The following RERE variants were observed in gnomAD, a reference collection of about 807,000 sequenced individuals.
RERE encodes the protein arginine-glutamic acid dipeptide repeats, also known as arginine-glutamic acid dipeptide repeats protein.
A neutral mutation model predicts 146.1 loss-of-function variants in RERE; 40 were observed. The ratio of observed to expected loss-of-function variants is 0.27; its 90% CI spans 0.21 to 0.36. The LOEUF (loss-of-function observed/expected upper bound fraction) is 0.36, where lower values mean the gene tolerates loss of function less well. Among genes scored for constraint, RERE ranks in the 10% least tolerant of loss-of-function variants. The pLI is 1.00. For missense variants in RERE, 1,933 were observed against 2,138.7 expected (o/e 0.90, Z 1.90); for synonymous variants, 1,003 against 866.0 (o/e 1.16, Z -2.78).
intron 11 of RERE, chr1:8,434,950 T>G (rs957558293): frequency 2.6e-5 from 4 of 152,256 alleles, no homozygotes; most frequent in Admixed American, 2.0e-4. Context: ...ACCTGCACGG[T>G]GGAGCCATTC....
chr1:8,691,144 C>T (rs1331637152), intron 1 of RERE, among the ~76,000 whole-genome samples: 1 of 152,142 alleles, frequency 6.6e-6, no homozygotes, highest in East Asian at 1.9e-4. Flanking sequence ...GATCTGCCCG[C>T]CTCCACCTCC....
chr1:8,503,713 C>T (rs1484576039), intron 8 of RERE, among the ~76,000 whole-genome samples: 1 of 152,114 alleles, frequency 6.6e-6, no homozygotes, highest in Admixed American at 6.5e-5. Flanking sequence ...ATTAAAACTA[C>T]ACCAAATGGA....
chr1:8,759,836 T>TAC (rs1491126292), intron 1 of RERE, among the ~76,000 whole-genome samples: 18 of 126,200 alleles, frequency 1.4e-4, no homozygotes, highest in South Asian at 2.4e-4. Flanking sequence ...TTACTCTCTC[T>TAC]ATACACACAC....
At chr1:8,457,057 T>A (rs983005457) in intron 11 of RERE, among the ~76,000 whole-genome samples, 1 of 152,240 alleles carries the variant, frequency 6.6e-6, no homozygotes, top group Non-Finnish European at 1.5e-5. Flanking sequence ...AGAGTGTCAA[T>A]GCTCTACCAA....
intron 7 of RERE, among the ~76,000 whole-genome samples, chr1:8,524,045 C>G (rs1205429056): frequency 6.6e-6 from 1 of 152,162 alleles, no homozygotes; most frequent in Non-Finnish European, 1.5e-5. Context: ...GGTGCAGTGT[C>G]CAGTTCCTCT....
At chr1:8,480,726 G>A (rs1016291381) in intron 10 of RERE, among the ~76,000 whole-genome samples, 4 of 152,152 alleles carry the variant, frequency 2.6e-5, no homozygotes, top group African/African-American at 2.4e-5. Context: ...ACGAGCCACC[G>A]CATCCGGCCT....
intron 11 of RERE, among the ~76,000 whole-genome samples, chr1:8,449,650 G>A (rs895551587): frequency 2.6e-5 from 4 of 152,220 alleles, no homozygotes; most frequent in African/African-American, 4.8e-5. Flanking sequence ...CCATAGCAGA[G>A]ATCCCATCTT....
chr1:8,530,918 C>A (rs1227711720), intron 7 of RERE, among the ~76,000 whole-genome samples: 3 of 151,646 alleles, frequency 2.0e-5, no homozygotes, highest in Non-Finnish European at 4.4e-5. Flanking sequence ...GTCCCGATCT[C>A]CTGACCTCAT....
chr1:8,527,043 G>C (rs1000966924), intron 7 of RERE, among the ~76,000 whole-genome samples: 12 of 152,194 alleles, frequency 7.9e-5, no homozygotes, highest in Non-Finnish European at 1.3e-4. Context: ...ATTAAAGCCT[G>C]TTGAAAAGAA....
chr1:8,355,573 C>T lies in RERE; in HGVS notation c.4513G>A (p.Gly1505Arg). ...GCTGACATGGGGGGTGGGATGGCCC[C>T]AGGCAGGTCACGGGGGTAGGGGGTG... ...FGTPYPRDLP[G>R]AIPPPMSAAH... Residue 1505 changes from glycine (G) to arginine (R), a missense_variant, in exon 22 of 23, where the codon GGG (glycine) becomes AGG (arginine). This residue lies in a region of RERE where 133 missense variants were observed against 168.6 expected (regional missense o/e 0.79). Transcript: ENST00000400908. 6.3e-7 allele frequency: 1 copy of T among 1,596,516 alleles called. No homozygotes were observed.
In RERE at chr1:8,607,534, C is replaced by CTTTTTTTTTTTTTTTTTTTTTT. The variant is rs1167501074; in HGVS notation, c.522+7005_522+7026dup. On this transcript the variant is annotated intron_variant, in intron 4 of 22. Coordinates refer to ENST00000400908, the MANE Select transcript of RERE (RefSeq NM_001042681.2). ...CGCATATTTGTTTTTATATATATTTCTTTTTTTTTTTTTTTTTTTTTTTTT... is the reference window on the plus strand; with the variant it reads ...CGCATATTTGTTTTTATATATATTTCTTTTTTTTTTTTTTTTTTTTTTTTTTTTTTTTTTTTTTTTTTTTTTT... Among the ~76,000 whole-genome samples the CTTTTTTTTTTTTTTTTTTTTTT allele has an allele frequency of 5.4e-4, 26 of 48,582 alleles. 5 individuals are homozygous for CTTTTTTTTTTTTTTTTTTTTTT. The highest frequency in any genetic ancestry group is 5.9e-4 in the Non-Finnish European group (17 of 28,764). 31.9% of individuals were successfully genotyped at this position (48,582 alleles called of 152,430 possible).
rs775755538 is a variant in RERE at position 8,506,237 on chromosome 1, G to A, written c.879+2390C>T. On this transcript the variant is annotated intron_variant, in intron 8 of 22. Transcript: ENST00000400908. ...GTTCCCAGACCGAAAATACAGCCCC[G>A]AGGTGGCAGTCAGGCCCACCTAATG... is the stretch of plus-strand genomic sequence containing the variant. Among the ~76,000 whole-genome samples, 5 of 152,148 alleles carry A rather than the reference G, an allele frequency of 3.3e-5. 1 individual carries two copies. The highest frequency in any genetic ancestry group is 7.4e-5 in the Non-Finnish European group (5 of 68,024).
At chr1:8,608,493 G>C (rs549782541) in intron 4 of RERE, among the ~76,000 whole-genome samples, 1 of 152,086 alleles carries the variant, frequency 6.6e-6, no homozygotes, top group Non-Finnish European at 1.5e-5. Context: ...GACAGAGTGA[G>C]ACCCTGTCTG....
chr1:8,747,075 C>T (rs1416418678), intron 1 of RERE, among the ~76,000 whole-genome samples: 1 of 151,880 alleles, frequency 6.6e-6, no homozygotes, highest in Non-Finnish European at 1.5e-5. Flanking sequence ...GATCTTGGCT[C>T]ACTGCAAGCT....
intron 4 of RERE, among the ~76,000 whole-genome samples, chr1:8,613,902 C>T (rs761912050): frequency 1.3e-5 from 2 of 152,118 alleles, no homozygotes; most frequent in Non-Finnish European, 2.9e-5. Flanking sequence ...ATGTACTAAA[C>T]GATAATAACC....
In RERE at chr1:8,360,651, C is replaced by T. The variant is rs145058832; in HGVS notation, c.2856G>A (p.Ser952=). The T allele has an allele frequency of 1.6e-5, 24 of 1,500,492 alleles. No homozygotes were observed. In the African/African-American group the frequency reaches 2.0e-4, roughly 13 times the overall value. The allele number at this position is 1,500,492 out of a possible 1,614,324, so 92.9% of individuals were successfully genotyped here. A position where few individuals can be genotyped will look rare whatever the true frequency, so the allele number is the denominator to read the frequency against. Residue 952 remains serine, a synonymous_variant, in exon 18 of 23, where the codon TCG becomes TCA. Coordinates refer to ENST00000400908, the MANE Select transcript of RERE (RefSeq NM_001042681.2). ...PQAHKHPPHL[S]GPSPFSMNAN... The stretch of plus-strand genomic sequence containing the variant: ...CATTCATGGAGAAGGGTGAGGGCCC[C>T]GAGAGGTGGGGAGGGTGCTTGTGGG...
rs545096375 is a variant in RERE at position 8,354,172 on chromosome 1, G to A, written c.*915C>T. On this transcript the variant is annotated 3_prime_UTR_variant, in exon 23 of 23. Coordinates refer to ENST00000400908, the MANE Select transcript of RERE (RefSeq NM_001042681.2). Reference sequence around the variant, plus strand: ...AACAGAACAGTGACACTGGAGAACAGAAAGTGAACATTCACCTCCTGCACT... The same window carrying A: ...AACAGAACAGTGACACTGGAGAACAAAAAGTGAACATTCACCTCCTGCACT... The A allele has an allele frequency of 6.6e-5, 10 of 152,648 alleles. No individual in the cohort carries two copies. Among genetic ancestry groups the A allele is most frequent in the African/African-American group, 2.4e-4 (10 of 41,584 alleles). 9.5% of individuals were successfully genotyped at this position (152,648 alleles called of 1,614,324 possible). A position where few individuals can be genotyped will look rare whatever the true frequency, so the allele number is the denominator to read the frequency against.
chr1:8,556,449 T>C, intron 6 of RERE, 26 bp downstream of exon 6: 1 of 1,342,820 alleles, frequency 7.4e-7, no homozygotes, highest in African/African-American at 1.4e-5. Flanking sequence ...CTCCTTCACA[T>C]GGAAGAGCAC....
At chr1:8,403,370 T>A (rs1242656223) in intron 12 of RERE, among the ~76,000 whole-genome samples, 1 of 152,128 alleles carries the variant, frequency 6.6e-6, no homozygotes, top group Non-Finnish European at 1.5e-5. Context: ...TCTTTGTTTC[T>A]AATACTGTTT....
Sources: allele counts gnomAD v4.1 joint callset (sites outside exome capture counted in the v4.1 genomes callset), GRCh38; gene constraint gnomAD v4.1.1; regional missense constraint gnomAD v4.1.1; transcripts MANE v1.5; gene names NCBI Gene and HGNC (gene_info 2026-07-23, HGNC 2026-07-21).